Variants in ETS1 observed in about 807,000 individuals in gnomAD.
The protein encoded by ETS1 is protein C-ets-1.
In ETS1, 15 loss-of-function variants were observed where a neutral mutation model predicts 58.6. The observed-to-expected ratio is 0.26, with a 90% CI of 0.17 to 0.39. The LOEUF is 0.39. Ranked by LOEUF, ETS1 falls within the 10% of genes least tolerant of loss-of-function variation. The pLI, the probability that ETS1 is intolerant of heterozygous loss-of-function variation, is 1.00. For synonymous variants in ETS1, 214 were observed against 218.2 expected (o/e 0.98, Z 0.17); for missense variants, 417 against 610.5 (o/e 0.68, Z 3.34).
intron 3 of ETS1, among the ~76,000 whole-genome samples, chr11:128,525,362 A>C (rs1390624979): frequency 2.0e-5 from 3 of 152,100 alleles, no homozygotes; most frequent in Non-Finnish European, 4.4e-5. Flanking sequence ...ACTCCACCCC[A>C]ACTTCAATAA....
At chr11:128,566,567 A>T (rs953775071) in intron 2 of ETS1, among the ~76,000 whole-genome samples, 3 of 152,150 alleles carry the variant, frequency 2.0e-5, no homozygotes, top group Non-Finnish European at 4.4e-5. Flanking sequence ...GCAGATCACG[A>T]GGTCAGGAGA....
intron 1 of ETS1, among the ~76,000 whole-genome samples, chr11:128,576,378 T>C (rs1259980526): frequency 1.3e-5 from 2 of 152,178 alleles, no homozygotes; most frequent in African/African-American, 4.8e-5. Context: ...TTTTTGGCTT[T>C]TTGGCAAAAG....
At chr11:128,559,641 C>G (rs181738245) in intron 2 of ETS1, among the ~76,000 whole-genome samples, 9 of 152,278 alleles carry the variant, frequency 5.9e-5, no homozygotes, top group Admixed American at 5.9e-4. Context: ...CCAGGGGATG[C>G]TCCTGAGAAG....
intron 8 of ETS1, among the ~76,000 whole-genome samples, chr11:128,465,754 C>T (rs1862016835): frequency 6.6e-6 from 1 of 152,190 alleles, no homozygotes; most frequent in Non-Finnish European, 1.5e-5. Flanking sequence ...TGACGGTGCA[C>T]CTACTACGCC....
chr11:128,480,904 C>T (rs1385925562), intron 7 of ETS1, among the ~76,000 whole-genome samples: 1 of 152,142 alleles, frequency 6.6e-6, no homozygotes, highest in Non-Finnish European at 1.5e-5. Context: ...GAGATGACTT[C>T]AAAAGGCCCA....
At chr11:128,527,669 G>C (rs925974614) in intron 3 of ETS1, among the ~76,000 whole-genome samples, 2 of 152,176 alleles carry the variant, frequency 1.3e-5, no homozygotes, top group African/African-American at 4.8e-5. Flanking sequence ...AATAATATGA[G>C]AGAAGAGGAC....
At chr11:128,578,364 T>A (rs1394974000) in intron 1 of ETS1, among the ~76,000 whole-genome samples, 1 of 152,160 alleles carries the variant, frequency 6.6e-6, no homozygotes, top group Non-Finnish European at 1.5e-5. Flanking sequence ...CCTGCTTGGC[T>A]GTATTTCTAG....
chr11:128,470,612 G>T (rs1862161689), intron 8 of ETS1, among the ~76,000 whole-genome samples: 1 of 151,648 alleles, frequency 6.6e-6, no homozygotes, highest in African/African-American at 2.4e-5. Flanking sequence ...TACAATAATG[G>T]AATTACAAAG....
rs1128334 is a variant in ETS1, at chr11:128,459,064, C to T, written c.*3297G>A. The T allele has an allele frequency of 0.11, 16,755 of 150,688 alleles. 1,135 individuals are homozygous for T. Among genetic ancestry groups the T allele is most frequent in the East Asian group, 0.35 (1,819 of 5,152 alleles). The allele number at this position is 150,688 out of a possible 1,614,324, so 9.3% of individuals were successfully genotyped here. ...AAAAAATATAAATTATATGAAAATACAAGTTGGAAAATAGTCAAACACAAT... is the reference window on the plus strand; with the variant it reads ...AAAAAATATAAATTATATGAAAATATAAGTTGGAAAATAGTCAAACACAAT... On this transcript the variant is annotated 3_prime_UTR_variant, in exon 10 of 10. Coordinates refer to ENST00000392668, the MANE Select transcript of ETS1 (RefSeq NM_001143820.2).
At chr11:128,505,574 G>A (rs994572538) in intron 3 of ETS1, among the ~76,000 whole-genome samples, 1 of 151,998 alleles carries the variant, frequency 6.6e-6, no homozygotes, top group African/African-American at 2.4e-5. Flanking sequence ...CCAGAGTCTC[G>A]CCCACACGGA....
chr11:128,558,649 C>CAAA (rs201114905), intron 2 of ETS1, among the ~76,000 whole-genome samples: 385 of 103,284 alleles, frequency 3.7e-3, no homozygotes, highest in Middle Eastern at 6.7e-3. Context: ...ATATCCATCC[C>CAAA]AAAAAAAAAA....
In ETS1 at chr11:128,461,211, G is replaced by A. The variant is rs2135405374; in HGVS notation, c.*1150C>T. 6.5e-6 allele frequency: 1 copy of A among 152,910 alleles called. No individual in the cohort carries two copies. Among genetic ancestry groups the A allele is most frequent in the South Asian group, 2.1e-4 (1 of 4,822 alleles). 9.5% of individuals were successfully genotyped at this position (152,910 alleles called of 1,614,324 possible). On this transcript the variant is annotated 3_prime_UTR_variant, in exon 10 of 10. Transcript: ENST00000392668. ...TAAGACATAAAAGAAAAATTACAGA[G>A]TGTTAGTTTGGAACGACATGCATTC...
In ETS1 at chr11:128,480,606, G is replaced by C. The variant is rs1438057020; in HGVS notation, c.863-155C>G. Among the ~76,000 whole-genome samples the C allele has an allele frequency of 3.9e-5, 6 of 152,124 alleles. No individual in the cohort carries two copies. In the South Asian group the frequency reaches 8.3e-4, roughly 21 times the overall value. On this transcript the variant is annotated intron_variant, in intron 7 of 9. Transcript: ENST00000392668. ...GGCGAGTGGGAACAGAAGCTTCAGG[G>C]GTCATGGGTTTACTCTGAGGAAAGG... is the stretch of plus-strand genomic sequence containing the variant.
intron 2 of ETS1, among the ~76,000 whole-genome samples, chr11:128,563,943 G>A (rs1177063163): frequency 3.9e-5 from 6 of 152,112 alleles, no homozygotes; most frequent in Non-Finnish European, 7.4e-5. Context: ...GCCCTTGTGC[G>A]ACTCCATGCA....
chr11:128,569,315 C>CTTTTTTTTTTT (rs1864572866), intron 2 of ETS1, among the ~76,000 whole-genome samples: 1 of 35,134 alleles, frequency 2.8e-5, no homozygotes, highest in Non-Finnish European at 6.1e-5. Context: ...GACAGAGTTT[C>CTTTTTTTTTTT]TTCTTTTTTT....
chr11:128,556,986 G>A (rs150369398), intron 2 of ETS1, among the ~76,000 whole-genome samples: 1 of 152,268 alleles, frequency 6.6e-6, no homozygotes, highest in Non-Finnish European at 1.5e-5. Flanking sequence ...TCGAAGACTT[G>A]TGCCACACTC....
intron 3 of ETS1, among the ~76,000 whole-genome samples, chr11:128,534,547 A>G (rs1196076806): frequency 1.3e-5 from 2 of 152,088 alleles, no homozygotes; most frequent in Non-Finnish European, 1.5e-5. Flanking sequence ...AGCCCTGCAC[A>G]TATTAGCTAT....
chr11:128,514,534 CCT>C (rs546742242), intron 3 of ETS1, among the ~76,000 whole-genome samples: 67 of 152,266 alleles, frequency 4.4e-4, no homozygotes, highest in South Asian at 1.2e-3. Context: ...CAGAAGTGCC[CCT>C]GTTTCCCATG....
intron 3 of ETS1, among the ~76,000 whole-genome samples, chr11:128,517,840 G>A (rs1007349005): frequency 1.3e-5 from 2 of 152,124 alleles, no homozygotes; most frequent in African/African-American, 4.8e-5. Context: ...CTCCTACAGG[G>A]TGGTCTGGCC....
Sources: gnomAD v4.1 joint callset for allele counts (sites outside exome capture counted in the v4.1 genomes callset) on GRCh38, gnomAD v4.1.1 for gene constraint, MANE v1.5 for transcripts, NCBI Gene and HGNC (gene_info 2026-07-23, HGNC 2026-07-21) for gene names.